Variants in TTC28 observed in about 807,000 individuals in gnomAD.
TTC28 encodes tetratricopeptide repeat protein 28.
Under a neutral mutation model 198.0 loss-of-function variants are expected in TTC28, and 61 were observed. The observed-to-expected ratio is 0.31, with a 90% CI of 0.25 to 0.38. TTC28 has a LOEUF of 0.38. Among genes scored for constraint, TTC28 ranks in the 10% least tolerant of loss-of-function variants. The probability of loss-of-function intolerance (pLI) is 1.00; values close to 1 mark genes in which losing one functional copy is unlikely to be tolerated. For synonymous variants in TTC28, 1,171 were observed against 1,297.8 expected (o/e 0.90, Z 2.10); for missense variants, 2,678 against 3,164.0 (o/e 0.85, Z 3.69).
Position 28,588,440 on chromosome 22 carries a change from C to T in TTC28, c.381+41112G>A, listed in dbSNP as rs569063831. On this transcript the variant is annotated intron_variant, in intron 2 of 22. Coordinates refer to ENST00000397906, the MANE Select transcript of TTC28 (RefSeq NM_001145418.2). The stretch of plus-strand genomic sequence containing the variant: ...ACAAATACAATTTTCTAGAAACCAT[C>T]AGAGGGCTGAGGTTGCAGGAGAATC... 5.3e-4 allele frequency among the ~76,000 whole-genome samples: 81 copies of T among 152,232 alleles called. No homozygotes were observed. The South Asian group carries it at 0.015, about 28-fold the overall frequency.
intron 1 of TTC28, among the ~76,000 whole-genome samples, chr22:28,637,896 AAG>A (rs1337051999): frequency 6.6e-6 from 1 of 152,218 alleles, no homozygotes; most frequent in Non-Finnish European, 1.5e-5. Flanking sequence ...TGGAAACCAA[AAG>A]AGAGCAGGAA....
chr22:28,663,308 T>G (rs1569090068), intron 1 of TTC28, among the ~76,000 whole-genome samples: 3 of 148,380 alleles, frequency 2.0e-5, no homozygotes, highest in Admixed American at 2.0e-4. Context: ...GATGGCCGAA[T>G]AGGAACAGCT....
chr22:28,335,990 C>T (rs1167607688), intron 2 of TTC28, among the ~76,000 whole-genome samples: 2 of 152,232 alleles, frequency 1.3e-5, no homozygotes, highest in South Asian at 2.1e-4. Context: ...ATAGATAGCT[C>T]TTATTATTTT....
chr22:28,209,658 C>T (rs1926735209), intron 5 of TTC28, among the ~76,000 whole-genome samples: 1 of 152,184 alleles, frequency 6.6e-6, no homozygotes, highest in Admixed American at 6.5e-5. Flanking sequence ...CTGGGTGGAG[C>T]CCACCACAGC....
At chr22:28,388,010 T>C (rs898607602) in intron 2 of TTC28, among the ~76,000 whole-genome samples, 2 of 152,214 alleles carry the variant, frequency 1.3e-5, no homozygotes, top group African/African-American at 2.4e-5. Context: ...CCATCTTGAA[T>C]TGATTTTTGT....
At chr22:28,624,203 C>A (rs949059041) in intron 2 of TTC28, among the ~76,000 whole-genome samples, 2 of 151,836 alleles carry the variant, frequency 1.3e-5, no homozygotes, top group African/African-American at 4.8e-5. Flanking sequence ...ACGGTGAAAC[C>A]CTGTCTCTAC....
At chr22:28,619,980 T>C (rs2050966859) in intron 2 of TTC28, among the ~76,000 whole-genome samples, 1 of 152,166 alleles carries the variant, frequency 6.6e-6, no homozygotes, top group Non-Finnish European at 1.5e-5. Context: ...CAGCAGATCA[T>C]CTGCATCAAT....
chr22:28,567,421 A>C (rs1457846342), intron 2 of TTC28, among the ~76,000 whole-genome samples: 1 of 142,514 alleles, frequency 7.0e-6, no homozygotes, highest in East Asian at 2.0e-4. Context: ...ATATATACAC[A>C]CTCACATATA....
intron 5 of TTC28, among the ~76,000 whole-genome samples, chr22:28,260,387 C>T (rs1464374993): frequency 6.6e-6 from 1 of 151,946 alleles, no homozygotes; most frequent in Non-Finnish European, 1.5e-5. Context: ...AAAAGTCTTT[C>T]TATTACATAT....
At chr22:28,424,720 T>A (rs1207824919) in intron 2 of TTC28, among the ~76,000 whole-genome samples, 1 of 152,194 alleles carries the variant, frequency 6.6e-6, no homozygotes, top group Admixed American at 6.5e-5. Context: ...TATAACCACA[T>A]TTAGTCAAAC....
intron 5 of TTC28, among the ~76,000 whole-genome samples, chr22:28,288,319 G>A (rs1198402147): frequency 6.6e-6 from 1 of 151,996 alleles, no homozygotes; most frequent in African/African-American, 2.4e-5. Context: ...TCTTTACATT[G>A]CTGATGATAT....
intron 5 of TTC28, among the ~76,000 whole-genome samples, chr22:28,209,888 G>C (rs562093176): frequency 6.6e-6 from 1 of 152,306 alleles, no homozygotes; most frequent in South Asian, 2.1e-4. Context: ...ACACCTCCCA[G>C]TAGGGGCCGA....
chr22:28,352,174 T>C (rs1398564748), intron 2 of TTC28, among the ~76,000 whole-genome samples: 1 of 152,112 alleles, frequency 6.6e-6, no homozygotes, highest in East Asian at 1.9e-4. Flanking sequence ...TGAAAACCAA[T>C]GCCTTAGATC....
chr22:28,662,167 A>G (rs1382964516), intron 1 of TTC28, among the ~76,000 whole-genome samples: 1 of 152,244 alleles, frequency 6.6e-6, no homozygotes, highest in African/African-American at 2.4e-5. Flanking sequence ...CTTGATCAGT[A>G]TTATAGAGAC....
At chr22:28,532,960 G>A (rs2049174042) in intron 2 of TTC28, among the ~76,000 whole-genome samples, 1 of 152,142 alleles carries the variant, frequency 6.6e-6, no homozygotes, top group Admixed American at 6.5e-5. Flanking sequence ...ATACTGAATG[G>A]GCAAAAACTG....
At chr22:28,172,501 T>C (rs1193307826) in intron 5 of TTC28, among the ~76,000 whole-genome samples, 1 of 152,194 alleles carries the variant, frequency 6.6e-6, no homozygotes, top group African/African-American at 2.4e-5. Context: ...CAACTCCAAA[T>C]GATAGCCCTG....
chr22:28,333,793 T>C (rs2045654926), intron 2 of TTC28, among the ~76,000 whole-genome samples: 1 of 152,144 alleles, frequency 6.6e-6, no homozygotes, highest in African/African-American at 2.4e-5. Flanking sequence ...TATTGTGGCA[T>C]AATTTTGTAC....
chr22:28,185,750 T>G (rs1365481764), intron 5 of TTC28, among the ~76,000 whole-genome samples: 1 of 152,222 alleles, frequency 6.6e-6, no homozygotes, highest in Non-Finnish European at 1.5e-5. Flanking sequence ...ATATATCAGA[T>G]GCTTTTTTAC....
At chr22:28,452,266 T>A (rs2047790978) in intron 2 of TTC28, among the ~76,000 whole-genome samples, 1 of 151,894 alleles carries the variant, frequency 6.6e-6, no homozygotes, top group Admixed American at 6.6e-5. Context: ...GGCATGCACC[T>A]GTAGTCCCAG....
Sources: allele counts gnomAD v4.1 joint callset (sites outside exome capture counted in the v4.1 genomes callset), GRCh38; gene constraint gnomAD v4.1.1; transcripts MANE v1.5; gene names NCBI Gene and HGNC (gene_info 2026-07-23, HGNC 2026-07-21).